The following SPINT2 variants were observed in gnomAD, a reference collection of about 807,000 sequenced individuals.
The protein encoded by SPINT2 is kunitz-type protease inhibitor 2.
In SPINT2, 18 loss-of-function variants were observed where a neutral mutation model predicts 30.1. That is an observed-to-expected ratio of 0.60 (90% confidence interval 0.41 to 0.89). The LOEUF is 0.89. SPINT2 is among the 40% of genes least tolerant of loss of function. SPINT2 has a pLI of 0.00. For synonymous variants in SPINT2, 139 were observed against 137.9 expected (o/e 1.01, Z -0.05); for missense variants, 276 against 334.3 (o/e 0.83, Z 1.36).
At chr19:38,273,803 T>C (rs1390871141) in intron 1 of SPINT2, among the ~76,000 whole-genome samples, 1 of 152,208 alleles carries the variant, frequency 6.6e-6, no homozygotes, top group Non-Finnish European at 1.5e-5. Flanking sequence ...TCTTCCTCCT[T>C]ATCCTCTCCG....
intron 1 of SPINT2, among the ~76,000 whole-genome samples, chr19:38,281,642 G>C (rs1394107085): frequency 6.6e-6 from 1 of 151,974 alleles, no homozygotes; most frequent in Non-Finnish European, 1.5e-5. Flanking sequence ...CTGGGAGGTG[G>C]AGGTTGCAGT....
intron 3 of SPINT2, 113 bp downstream of exon 3, chr19:38,288,048 C>A: frequency 7.6e-7 from 1 of 1,319,004 alleles, no homozygotes. Flanking sequence ...TCTGTTTACT[C>A]AAAATTGGCA....
In SPINT2 at chr19:38,290,328, C is replaced by G. The variant is rs138830047; in HGVS notation, c.553+48C>G. 1.1e-5 allele frequency: 17 copies of G among 1,599,130 alleles called. No homozygotes were observed. The highest frequency in any genetic ancestry group is 1.4e-5 in the Non-Finnish European group (17 of 1,173,638). ...CAGGAAGCCCTGCCCTTGAGGACCC[C>G]GGTCCATCTCCCCATCCCTAAAATA... On this transcript the variant is annotated intron_variant, in intron 5 of 6. Coordinates refer to ENST00000301244, the MANE Select transcript of SPINT2 (RefSeq NM_021102.4). The surrounding 1 kb of genome is among the most constrained non-coding windows in gnomAD (Gnocchi z 4.3).
At chr19:38,265,048 C>T (rs775992521) in intron 1 of SPINT2, 50 bp downstream of exon 1, 10 of 920,520 alleles carry the variant, frequency 1.1e-5, no homozygotes, top group Admixed American at 4.1e-5. Flanking sequence ...GGCAGAGGCT[C>T]GGGGGTCAAC....
chr19:38,279,510 T>C (rs1408510618), intron 1 of SPINT2, among the ~76,000 whole-genome samples: 2 of 152,012 alleles, frequency 1.3e-5, no homozygotes, highest in Admixed American at 1.3e-4. Flanking sequence ...AAAAAAATTA[T>C]TATAATAATT....
Position 38,264,661 on chromosome 19 carries a change from G to A in SPINT2, c.-232G>A. On this transcript the variant is annotated 5_prime_UTR_variant, in exon 1 of 7. Coordinates refer to ENST00000301244, the MANE Select transcript of SPINT2 (RefSeq NM_021102.4). ...CCGTTGAGTGTCGCAGGCGGCGAGG[G>A]CGCGAGTGAGGAGCAGACCCAGGCA... 1.8e-6 allele frequency: 1 copy of A among 543,178 alleles called. No individual in the cohort carries two copies. The allele number at this position is 543,178 out of a possible 1,614,324, so 33.6% of individuals were successfully genotyped here.
rs1435653544 is a variant in SPINT2, at chr19:38,268,918, T to C, written c.106+3920T>C. 2.0e-5 allele frequency among the ~76,000 whole-genome samples: 3 copies of C among 152,168 alleles called. No homozygotes were observed. The East Asian group carries it at 5.8e-4, about 29-fold the overall frequency. ...AGGGTCCTGAAATGTGTAATGTTGCTCAACACCAGGCCAGATCATATATTT... is the reference window on the plus strand; with the variant it reads ...AGGGTCCTGAAATGTGTAATGTTGCCCAACACCAGGCCAGATCATATATTT... On this transcript the variant is annotated intron_variant, in intron 1 of 6. Coordinates refer to ENST00000301244, the MANE Select transcript of SPINT2 (RefSeq NM_021102.4).
intron 1 of SPINT2, among the ~76,000 whole-genome samples, chr19:38,267,650 G>C (rs1052434718): frequency 3.2e-5 from 3 of 94,648 alleles, no homozygotes; most frequent in Non-Finnish European, 7.0e-5. Flanking sequence ...GAGAGGAAGC[G>C]GGGGGGCGAG....
At chr19:38,291,448 C>T (rs1283680381) in intron 6 of SPINT2, 2 of 187,870 alleles carry the variant, frequency 1.1e-5, no homozygotes, top group East Asian at 1.4e-4. Context: ...CGTGTGTGTG[C>T]ACAAAGCCCC....
intron 1 of SPINT2, among the ~76,000 whole-genome samples, chr19:38,276,378 C>T: frequency 6.6e-6 from 1 of 152,128 alleles, no homozygotes; most frequent in Non-Finnish European, 1.5e-5. Flanking sequence ...CGTGGTGGCT[C>T]ACGCCTGTAA....
chr19:38,264,767 C>G lies in SPINT2; in HGVS notation c.-126C>G. 1 of 1,052,416 alleles carries G rather than the reference C, an allele frequency of 9.5e-7. No individual in the cohort carries two copies. The highest frequency in any genetic ancestry group is 1.4e-6 in the Non-Finnish European group (1 of 725,246). 65.2% of individuals were successfully genotyped at this position (1,052,416 alleles called of 1,614,324 possible). On this transcript the variant is annotated 5_prime_UTR_variant, in exon 1 of 7. Coordinates refer to ENST00000301244, the MANE Select transcript of SPINT2 (RefSeq NM_021102.4). ...CGGGGGCTTTGGCACCTGGCGGACC[C>G]TCCCGGAGCGTCGGCACCTGAACGC... is the stretch of plus-strand genomic sequence containing the variant.
intron 1 of SPINT2, among the ~76,000 whole-genome samples, chr19:38,266,892 G>A (rs987951836): frequency 1.3e-5 from 2 of 152,224 alleles, no homozygotes; most frequent in African/African-American, 4.8e-5. Flanking sequence ...TTCAGTTTAA[G>A]TAATTACGTT....
At chr19:38,288,026 C>G (rs1287446742) in intron 3 of SPINT2, 91 bp downstream of exon 3, 1 of 1,464,016 alleles carries the variant, frequency 6.8e-7, no homozygotes, top group Admixed American at 1.7e-5. Flanking sequence ...TCACAGGCTT[C>G]CCTCTCATGG....
At chr19:38,283,468 G>C (rs1968603677) in intron 1 of SPINT2, among the ~76,000 whole-genome samples, 159 bp from the exon 2 acceptor site, 2 of 152,222 alleles carry the variant, frequency 1.3e-5, no homozygotes, top group Non-Finnish European at 2.9e-5. Flanking sequence ...GAAGCACTGA[G>C]TGGGCCTGTT....
At chr19:38,269,071 TTTTGTTTTTGTTTTTG>T (rs1480913734) in intron 1 of SPINT2, among the ~76,000 whole-genome samples, 3 of 151,846 alleles carry the variant, frequency 2.0e-5, no homozygotes, top group Non-Finnish European at 4.4e-5. Context: ...GCTTAAGGTC[TTTTGTTTTTGTTTTTG>T]TTTGTTTTTG....
chr19:38,275,521 C>T (rs535935953), intron 1 of SPINT2, among the ~76,000 whole-genome samples: 15 of 152,052 alleles, frequency 9.9e-5, no homozygotes, highest in Admixed American at 3.3e-4. Context: ...GATGGGGTTT[C>T]GCCATGATAG....
At chr19:38,287,409 A>C (rs1007227689) in intron 2 of SPINT2, among the ~76,000 whole-genome samples, 1 of 151,994 alleles carries the variant, frequency 6.6e-6, no homozygotes, top group African/African-American at 2.4e-5. Context: ...AGTGTCGGCC[A>C]GGATGGTCTC....
intron 1 of SPINT2, among the ~76,000 whole-genome samples, chr19:38,268,689 T>A (rs1365383460): frequency 1.3e-5 from 2 of 152,156 alleles, no homozygotes; most frequent in Non-Finnish European, 2.9e-5. Flanking sequence ...ATGCTCCATT[T>A]AGTAAATGGT....
intron 1 of SPINT2, chr19:38,265,753 A>G (rs905893051): frequency 2.0e-5 from 3 of 152,398 alleles, no homozygotes; most frequent in African/African-American, 7.2e-5. Context: ...GTGTTTTGAA[A>G]AGAGCTCTCT....
Sources: allele counts gnomAD v4.1 joint callset (sites outside exome capture counted in the v4.1 genomes callset), GRCh38; gene constraint gnomAD v4.1.1; non-coding constraint Gnocchi (gnomAD v3.1); transcripts MANE v1.5; gene names NCBI Gene and HGNC (gene_info 2026-07-23, HGNC 2026-07-21).